SVOP: variants seen among roughly 807,000 people sequenced by gnomAD.
SVOP encodes synaptic vesicle 2-related protein.
A neutral mutation model predicts 69.1 loss-of-function variants in SVOP; 17 were observed. The ratio of observed to expected loss-of-function variants is 0.25; its 90% CI spans 0.17 to 0.37. The LOEUF (loss-of-function observed/expected upper bound fraction) is 0.37. Ranked by LOEUF, SVOP falls within the 10% of genes least tolerant of loss-of-function variation. The pLI is 1.00. For synonymous variants in SVOP, 238 were observed against 238.6 expected (o/e 1.00, Z 0.02); for missense variants, 435 against 597.5 (o/e 0.73, Z 2.84).
At chr12:108,933,925 A>T (rs1379178400) in intron 11 of SVOP, among the ~76,000 whole-genome samples, 1 of 152,150 alleles carries the variant, frequency 6.6e-6, no homozygotes, top group Admixed American at 6.5e-5. Context: ...AAACTCTTCA[A>T]AATTACCTCT....
intron 1 of SVOP, among the ~76,000 whole-genome samples, chr12:108,985,214 G>A (rs929992622): frequency 2.7e-5 from 4 of 150,808 alleles, no homozygotes; most frequent in Non-Finnish European, 4.4e-5. Flanking sequence ...GCAACAGAGA[G>A]AGACCCTATC....
At chr12:108,991,708 G>A (rs1593201968) in intron 1 of SVOP, among the ~76,000 whole-genome samples, 1 of 151,680 alleles carries the variant, frequency 6.6e-6, no homozygotes, top group African/African-American at 2.4e-5. Flanking sequence ...CACCTGCCTT[G>A]GCCTCCCAAA....
intron 1 of SVOP, among the ~76,000 whole-genome samples, chr12:109,012,263 A>G (rs931834846): frequency 1.3e-5 from 2 of 152,044 alleles, no homozygotes; most frequent in Non-Finnish European, 2.9e-5. Flanking sequence ...AGCCTGAGCA[A>G]CAGAGCGAGA....
rs546007310 is a variant in SVOP at position 108,914,422 on chromosome 12, A to G, written c.1440+1361T>C. On this transcript the variant is annotated intron_variant, in intron 15 of 15. Transcript: ENST00000610966. The stretch of plus-strand genomic sequence containing the variant: ...ACCTGGATTTTCAAAAAGCAAAAAG[A>G]CTTACTAAGATCCCTAGATACAAAT... Among the ~76,000 whole-genome samples, 7 of 152,312 alleles carry G rather than the reference A, an allele frequency of 4.6e-5. No individual in the cohort carries two copies. In the South Asian group the frequency reaches 1.2e-3, roughly 27 times the overall value.
At chr12:108,950,241 CTTTCT>C (rs2039946661) in intron 6 of SVOP, among the ~76,000 whole-genome samples, 1 of 148,374 alleles carries the variant, frequency 6.7e-6, no homozygotes, top group Non-Finnish European at 1.5e-5. Flanking sequence ...TTTTCTTTTT[CTTTCT>C]TTTTTTTTTT....
Position 108,951,013 on chromosome 12 carries a change from A to T in SVOP, c.579-5847T>A, listed in dbSNP as rs542109365. 1.9e-4 allele frequency among the ~76,000 whole-genome samples: 29 copies of T among 152,320 alleles called. No homozygotes were observed. In the South Asian group the frequency reaches 3.9e-3, roughly 21 times the overall value. ...ATAAATTCCCACTGCAAATAATCAC[A>T]TTTACAGCACTGGGCAATTAGAGGC... is the stretch of plus-strand genomic sequence containing the variant. On this transcript the variant is annotated intron_variant, in intron 6 of 15. Transcript: ENST00000610966.
chr12:108,935,490 C>T (rs755264849), intron 10 of SVOP, among the ~76,000 whole-genome samples: 12 of 152,184 alleles, frequency 7.9e-5, no homozygotes, highest in Non-Finnish European at 1.5e-4. Flanking sequence ...AACTCTGATG[C>T]CCCACCATCC....
At chr12:108,941,290 A>G (rs548384115) in intron 7 of SVOP, among the ~76,000 whole-genome samples, 173 of 150,998 alleles carry the variant, frequency 1.1e-3, no homozygotes, top group Non-Finnish European at 2.1e-3. Flanking sequence ...TGTCCCGATC[A>G]TGGCTCACTG....
Position 108,972,430 on chromosome 12 carries a change from A to G in SVOP, c.428T>C (p.Ile143Thr), listed in dbSNP as rs1469613869. 1 of 1,537,246 alleles carries G rather than the reference A, an allele frequency of 6.5e-7. No homozygotes were observed. The highest frequency in any genetic ancestry group is 8.7e-7 in the Non-Finnish European group (1 of 1,146,912). The change falls in exon 5 of 16, where the codon ATC becomes ACC. Residue 143 changes from isoleucine (I) to threonine (T), a missense_variant. Ile to Thr is a moderately conservative substitution (Grantham distance 89, BLOSUM62 -1). Transcript: ENST00000610966. ...TGTTTTCCTGCCGTACTGGTCTGAG[A>G]TATTTCCCCAGAGCGTGGAGCTGGA... ...MMSSSTLWGN[I>T]SDQYGRKTGL...
chr12:108,917,935 C>T (rs1051925367), intron 14 of SVOP, 108 bp downstream of exon 14: 37 of 881,752 alleles, frequency 4.2e-5, no homozygotes, highest in Middle Eastern at 6.9e-4. Context: ...CATGAGCTAC[C>T]GCGCCCACCA....
intron 6 of SVOP, among the ~76,000 whole-genome samples, chr12:108,960,488 G>A (rs1387337764): frequency 7.2e-5 from 11 of 152,304 alleles, no homozygotes; most frequent in African/African-American, 2.4e-4. Flanking sequence ...TAGGAAGAGC[G>A]TGGGAAGCAG....
At chr12:108,938,440 G>T (rs2039869021) in intron 9 of SVOP, among the ~76,000 whole-genome samples, 2 of 152,200 alleles carry the variant, frequency 1.3e-5, no homozygotes, top group African/African-American at 4.8e-5. Context: ...CTAGATCTAA[G>T]CACACTCCTT....
intron 1 of SVOP, among the ~76,000 whole-genome samples, chr12:109,016,643 T>G (rs2040369197): frequency 6.6e-6 from 1 of 152,084 alleles, no homozygotes; most frequent in Admixed American, 6.5e-5. Flanking sequence ...TGAAATCATA[T>G]CTCCAGAGGA....
intron 12 of SVOP, among the ~76,000 whole-genome samples, chr12:108,921,478 C>G (rs1440193714): frequency 6.6e-6 from 1 of 152,056 alleles, no homozygotes; most frequent in Non-Finnish European, 1.5e-5. Context: ...GGGAAAGCAA[C>G]AAACAAAAGG....
intron 7 of SVOP, 42 bp from the exon 8 acceptor site, chr12:108,940,951 T>C: frequency 1.3e-6 from 2 of 1,525,674 alleles, no homozygotes; most frequent in Non-Finnish European, 1.8e-6. Context: ...GGTAGCATGG[T>C]CCATACAGAG....
intron 2 of SVOP, among the ~76,000 whole-genome samples, chr12:108,980,115 T>C (rs2040127798): frequency 6.6e-6 from 1 of 152,122 alleles, no homozygotes; most frequent in Non-Finnish European, 1.5e-5. Context: ...GGTTTCAAGG[T>C]TGCAGTGAGC....
intron 10 of SVOP, among the ~76,000 whole-genome samples, chr12:108,936,243 C>G (rs2039855652): frequency 6.6e-6 from 1 of 152,056 alleles, no homozygotes; most frequent in Non-Finnish European, 1.5e-5. Flanking sequence ...TAGGATTATG[C>G]CATGTTGGCC....
intron 5 of SVOP, among the ~76,000 whole-genome samples, chr12:108,966,466 C>T (rs887441202): frequency 2.0e-5 from 3 of 151,910 alleles, no homozygotes; most frequent in African/African-American, 4.8e-5. Flanking sequence ...ATGCGGTGAA[C>T]GCCCCGGCAG....
rs552922952 is a variant in SVOP at position 108,945,137 on chromosome 12, A to G, written c.608T>C (p.Met203Thr). 10 of 1,537,092 alleles carry G rather than the reference A, an allele frequency of 6.5e-6. No homozygotes were observed. The East Asian group carries it at 1.5e-4, about 23-fold the overall frequency. The change falls in exon 7 of 16, where the codon ATG (methionine) becomes ACG (threonine). Residue 203 changes from methionine to threonine, a missense_variant. Met to Thr is a moderately conservative substitution (Grantham distance 81, BLOSUM62 -1). Coordinates refer to ENST00000610966, the MANE Select transcript of SVOP (RefSeq NM_018711.5). ...CAAAATACATTTAGCTCTGGCTTTC[A>G]TGGGAAGGAACTCGGCATACAGCGT... ...SVTLYAEFLP[M>T]KARAKCILLI...
Sources: allele counts gnomAD v4.1 joint callset (sites outside exome capture counted in the v4.1 genomes callset), GRCh38; gene constraint gnomAD v4.1.1; transcripts MANE v1.5; gene names NCBI Gene and HGNC (gene_info 2026-07-23, HGNC 2026-07-21).